Variants in LRIG3 observed in about 807,000 individuals in gnomAD.
LRIG3 encodes the protein leucine rich repeats and immunoglobulin like domains 3.
In LRIG3, 76 loss-of-function variants were observed where a neutral mutation model predicts 114.5. That is an observed-to-expected ratio of 0.66 (90% CI 0.55 to 0.80). The LOEUF is 0.80. Ranked by LOEUF, LRIG3 falls within the 30% of genes least tolerant of loss-of-function variation. LRIG3 has a pLI of 0.00. For synonymous variants in LRIG3, 512 were observed against 519.8 expected (o/e 0.98, Z 0.20); for missense variants, 1,239 against 1,382.8 (o/e 0.90, Z 1.65).
chr12:58,917,729 A>G (rs972823701), intron 1 of LRIG3, among the ~76,000 whole-genome samples: 2 of 152,224 alleles, frequency 1.3e-5, no homozygotes, highest in Non-Finnish European at 2.9e-5. Context: ...TTTTCTGAAA[A>G]GTGCTTTCAT....
At chr12:58,902,567 TTTTTA>T (rs1419791139) in intron 3 of LRIG3, among the ~76,000 whole-genome samples, 1 of 152,114 alleles carries the variant, frequency 6.6e-6, no homozygotes, top group Non-Finnish European at 1.5e-5. Context: ...TTTTCTCTTT[TTTTTA>T]TTTTTTCATT....
intron 10 of LRIG3, among the ~76,000 whole-genome samples, chr12:58,884,705 G>A (rs983663746): frequency 1.3e-5 from 2 of 152,156 alleles, no homozygotes; most frequent in Non-Finnish European, 2.9e-5. Context: ...CAGAGGAACT[G>A]GTGCAGTCAG....
In LRIG3 at chr12:58,872,627, T is replaced by TAAA; in HGVS notation, c.3304_3305insTTT (p.Gln1102delinsLeuTer). On this transcript the variant is annotated stop_gained and protein_altering_variant, in exon 19 of 19. Coordinates refer to ENST00000320743, the MANE Select transcript of LRIG3 (RefSeq NM_153377.5). LOFTEE classifies it high-confidence loss of function. ...TGGAGTCCTGTAGTTTTCTAAAGTCTGTTTAAAGGTACAAATGTGATTTTC... is the reference window on the plus strand; with the variant it reads ...TGGAGTCCTGTAGTTTTCTAAAGTCTAAAGTTTAAAGGTACAAATGTGATTTTC... The TAAA allele has an allele frequency of 1.2e-6, 2 of 1,614,112 alleles. No individual in the cohort carries two copies. Among genetic ancestry groups the TAAA allele is most frequent in the Non-Finnish European group, 1.7e-6 (2 of 1,179,974 alleles).
chr12:58,891,739 C>T (rs111609843), intron 3 of LRIG3, among the ~76,000 whole-genome samples: 44 of 152,164 alleles, frequency 2.9e-4, no homozygotes, highest in Admixed American at 2.0e-4. Context: ...AAGAAGAACA[C>T]TCCAGTTTGA....
intron 16 of LRIG3, among the ~76,000 whole-genome samples, chr12:58,875,420 A>T (rs17533220): frequency 0.01 from 1,552 of 152,322 alleles, 19 homozygotes; most frequent in Non-Finnish European, 0.018. Context: ...ACCTCTGACG[A>T]AACTGTGAAA....
At position 58,914,065 on chromosome 12, in the gene LRIG3, G is replaced by GT. The variant is rs1247572104; in HGVS notation, c.309-10_309-9insA. 1.3e-6 allele frequency: 2 copies of GT among 1,581,652 alleles called. No individual in the cohort carries two copies. The highest frequency in any genetic ancestry group is 1.7e-6 in the Non-Finnish European group (2 of 1,171,594). ...CATTGTTGTTCAGTTTCCTACAAAT[G>GT]CCAAAAAAAAAAAGAAAAAGAAAAG... On this transcript the variant is annotated splice_polypyrimidine_tract_variant and intron_variant, in intron 2 of 18. Transcript: ENST00000320743.
intron 1 of LRIG3, among the ~76,000 whole-genome samples, chr12:58,918,379 C>T (rs11172824): frequency 0.1 from 15,301 of 152,200 alleles, 1,040 homozygotes; most frequent in Admixed American, 0.17. Context: ...TTCAACTCAA[C>T]TTCTGATCAA....
chr12:58,877,730 G>C lies in LRIG3; in HGVS notation c.2206C>G (p.Pro736Ala), dbSNP rs770219319. Residue 736 changes from proline to alanine, a missense_variant, in exon 15 of 19, where the codon CCA becomes GCA. Coordinates refer to ENST00000320743, the MANE Select transcript of LRIG3 (RefSeq NM_153377.5). ...AAGTGCCTCTCGGTTACCACCAATG[G>C]GCTATCATCTTTGGTCCAGTTCAGT... ...PKLNWTKDDS[P>A]LVVTERHFFA... 1.2e-6 allele frequency: 2 copies of C among 1,614,190 alleles called. No homozygotes were observed. The highest frequency in any genetic ancestry group is 1.7e-6 in the Non-Finnish European group (2 of 1,180,036).
intron 3 of LRIG3, among the ~76,000 whole-genome samples, chr12:58,904,391 G>A (rs945820362): frequency 6.6e-6 from 1 of 152,130 alleles, no homozygotes; most frequent in Non-Finnish European, 1.5e-5. Context: ...GTCTCCTTTT[G>A]GCACAGAGAA....
At chr12:58,906,831 C>A (rs1872085223) in intron 3 of LRIG3, among the ~76,000 whole-genome samples, 1 of 151,878 alleles carries the variant, frequency 6.6e-6, no homozygotes, top group African/African-American at 2.4e-5. Flanking sequence ...TTGTTTTTAT[C>A]CACTTGATTT....
chr12:58,908,280 A>G (rs1343739851), intron 3 of LRIG3, among the ~76,000 whole-genome samples: 16 of 152,218 alleles, frequency 1.1e-4, no homozygotes. Context: ...CAATGAATCT[A>G]ACATGGGCAG....
chr12:58,886,424 T>C (rs570716568), intron 9 of LRIG3, among the ~76,000 whole-genome samples: 21 of 151,948 alleles, frequency 1.4e-4, no homozygotes, highest in African/African-American at 5.1e-4. Context: ...GCATTATCAG[T>C]GGCTACTAGA....
At chr12:58,911,211 C>CT (rs1193132866) in intron 3 of LRIG3, among the ~76,000 whole-genome samples, 1 of 152,142 alleles carries the variant, frequency 6.6e-6, no homozygotes, top group Non-Finnish European at 1.5e-5. Flanking sequence ...CCTATCATCC[C>CT]AGATTCCCTG....
At chr12:58,883,769 G>A (rs1288047833) in intron 10 of LRIG3, among the ~76,000 whole-genome samples, 178 bp from the exon 11 acceptor site, 1 of 152,134 alleles carries the variant, frequency 6.6e-6, no homozygotes. Context: ...TGAAGACCCA[G>A]GGCATTTGTA....
At chr12:58,881,002 G>C in intron 12 of LRIG3, 101 bp from the exon 13 acceptor site, 1 of 1,124,746 alleles carries the variant, frequency 8.9e-7, no homozygotes, top group Non-Finnish European at 1.3e-6. Flanking sequence ...AGTGGCTTAG[G>C]TTTTACCCTT....
At chr12:58,893,865 TC>T (rs1473777312) in intron 3 of LRIG3, among the ~76,000 whole-genome samples, 1 of 152,096 alleles carries the variant, frequency 6.6e-6, no homozygotes, top group Admixed American at 6.6e-5. Context: ...CTGGTTTTGG[TC>T]CCCAGGCTGT....
intron 3 of LRIG3, among the ~76,000 whole-genome samples, chr12:58,898,642 G>T (rs1871729057): frequency 6.6e-6 from 1 of 152,026 alleles, no homozygotes; most frequent in South Asian, 2.1e-4. Context: ...TATAGTTTAG[G>T]TTATTAATCC....
intron 3 of LRIG3, among the ~76,000 whole-genome samples, chr12:58,912,988 A>C: frequency 6.6e-6 from 1 of 152,180 alleles, no homozygotes; most frequent in East Asian, 1.9e-4. Context: ...CTCTTATTCA[A>C]ACAGAGGAAA....
chr12:58,919,968 G>T, intron 1 of LRIG3, 32 bp downstream of exon 1: 1 of 1,539,990 alleles, frequency 6.5e-7, no homozygotes, highest in South Asian at 1.2e-5. Context: ...CCAGCGGCCC[G>T]GGCCCCCTCC....
Sources: allele counts gnomAD v4.1 joint callset (sites outside exome capture counted in the v4.1 genomes callset), GRCh38; gene constraint gnomAD v4.1.1; transcripts MANE v1.5; gene names NCBI Gene and HGNC (gene_info 2026-07-23, HGNC 2026-07-21).